The following LRP1B variants were observed in gnomAD, a reference collection of about 807,000 sequenced individuals.
The protein encoded by LRP1B is low-density lipoprotein receptor-related protein 1B.
A neutral mutation model predicts 556.6 loss-of-function variants in LRP1B; 217 were observed. The observed-to-expected ratio is 0.39, with a 90% CI of 0.35 to 0.44. The LOEUF (loss-of-function observed/expected upper bound fraction) is 0.44, where lower values mean the gene tolerates loss of function less well. Among genes scored for constraint, LRP1B ranks in the 20% least tolerant of loss-of-function variants. LRP1B has a pLI of 1.00. For synonymous variants in LRP1B, 2,047 were observed against 1,865.8 expected (o/e 1.10, Z -2.50); for missense variants, 5,053 against 5,620.8 (o/e 0.90, Z 3.23).
chr2:141,972,728 G>A (rs1701779013), intron 1 of LRP1B, among the ~76,000 whole-genome samples: 2 of 151,634 alleles, frequency 1.3e-5, no homozygotes, highest in African/African-American at 2.4e-5. Flanking sequence ...TTTTAAACAT[G>A]TTTTCAACAT....
chr2:142,001,058 T>C (rs1412640314), intron 1 of LRP1B, among the ~76,000 whole-genome samples: 5 of 152,170 alleles, frequency 3.3e-5, no homozygotes, highest in Non-Finnish European at 5.9e-5. Flanking sequence ...TTTCCCCTTT[T>C]GCTTGGCTCT....
intron 7 of LRP1B, among the ~76,000 whole-genome samples, chr2:141,169,053 A>G (rs558804233): frequency 2.7e-4 from 41 of 152,086 alleles, no homozygotes; most frequent in African/African-American, 9.1e-4. Context: ...TGGGAGGCCA[A>G]TGTGGGTGAA....
At chr2:140,335,299 TAATTC>T (rs1156588975) in intron 78 of LRP1B, among the ~76,000 whole-genome samples, 1 of 151,938 alleles carries the variant, frequency 6.6e-6, no homozygotes, top group East Asian at 1.9e-4. Context: ...AATATTTTAA[TAATTC>T]AATTTTAGAT....
Position 141,096,629 on chromosome 2 carries a change from G to GGA in LRP1B, c.1014-34358_1014-34357dup, listed in dbSNP as rs756327718. Among the ~76,000 whole-genome samples the GGA allele has an allele frequency of 8.6e-3, 515 of 59,610 alleles. 12 individuals are homozygous for GGA. The highest frequency in any genetic ancestry group is 0.02 in the African/African-American group (273 of 13,646). 39.1% of individuals were successfully genotyped at this position (59,610 alleles called of 152,430 possible). On this transcript the variant is annotated intron_variant, in intron 7 of 90. Coordinates refer to ENST00000389484, the MANE Select transcript of LRP1B (RefSeq NM_018557.3). Reference sequence around the variant, plus strand: ...CTGAATGACAAAGACGGGGAGAGGGGGAGAGAGAGAGAGAGAGAGAGAGAG... The same window carrying GGA: ...CTGAATGACAAAGACGGGGAGAGGGGGAGAGAGAGAGAGAGAGAGAGAGAGAG...
intron 66 of LRP1B, among the ~76,000 whole-genome samples, chr2:140,388,260 G>A (rs1297266365): frequency 6.6e-6 from 1 of 151,938 alleles, no homozygotes; most frequent in African/African-American, 2.4e-5. Context: ...TTTAAATCAT[G>A]TCTTAAAATG....
At chr2:141,987,742 T>A (rs1166533911) in intron 1 of LRP1B, among the ~76,000 whole-genome samples, 1 of 151,922 alleles carries the variant, frequency 6.6e-6, no homozygotes, top group African/African-American at 2.4e-5. Context: ...ATACTTTACA[T>A]TTTTTATTGT....
intron 2 of LRP1B, among the ~76,000 whole-genome samples, chr2:141,743,948 C>G (rs1693816129): frequency 3.4e-5 from 1 of 29,004 alleles, no homozygotes; most frequent in African/African-American, 8.2e-5. Context: ...TCCAATAAAC[C>G]AACTTTTTGT....
chr2:140,328,070 T>TCTATCTTTAAAATA (rs1191855009), intron 79 of LRP1B, among the ~76,000 whole-genome samples: 3 of 152,000 alleles, frequency 2.0e-5, no homozygotes, highest in African/African-American at 7.2e-5. Context: ...AAAGTTCATG[T>TCTATCTTTAAAATA]CTATCTTTAA....
At chr2:141,085,584 C>G (rs1021387626) in intron 7 of LRP1B, among the ~76,000 whole-genome samples, 1 of 152,118 alleles carries the variant, frequency 6.6e-6, no homozygotes, top group Non-Finnish European at 1.5e-5. Context: ...GAAACCAAAC[C>G]TGCTAACATC....
chr2:140,611,494 AG>A (rs1683070795), intron 41 of LRP1B, among the ~76,000 whole-genome samples: 1 of 152,134 alleles, frequency 6.6e-6, no homozygotes, highest in South Asian at 2.1e-4. Context: ...AAAAGGTAAA[AG>A]TTAATGAAGT....
In LRP1B at chr2:140,598,798, T is replaced by C; in HGVS notation, c.7027A>G (p.Ser2343Gly). 1 of 1,611,190 alleles carries C rather than the reference T, an allele frequency of 6.2e-7. No individual in the cohort carries two copies. Among genetic ancestry groups the C allele is most frequent in the African/African-American group, 1.3e-5 (1 of 74,898 alleles). The part of the protein sequence containing the change: ...FWTNWNEQHP[S>G]IMRSTLTGKN... ...CCAGTCAGAGTAGATCTCATGATAC[T>C]TGGATGTTGTTCATTCCAGTTGGTC... The change falls in exon 43 of 91, where the codon AGT (serine) becomes GGT (glycine). Residue 2343 changes from serine to glycine, a missense_variant. By Grantham distance (56) the Ser-to-Gly change is moderately conservative. This residue lies in a region of LRP1B where 3,619 missense variants were observed against 3,931.9 expected (regional missense o/e 0.92). Coordinates refer to ENST00000389484, the MANE Select transcript of LRP1B (RefSeq NM_018557.3).
chr2:141,629,344 G>T (rs1266208177), intron 2 of LRP1B, among the ~76,000 whole-genome samples: 1 of 152,048 alleles, frequency 6.6e-6, no homozygotes, highest in Non-Finnish European at 1.5e-5. Flanking sequence ...TTTAAACATT[G>T]CTTTTTAATA....
chr2:140,450,031 A>G lies in LRP1B; in HGVS notation c.10057+537T>C, dbSNP rs112700221. Among the ~76,000 whole-genome samples, 10 of 152,350 alleles carry G rather than the reference A, an allele frequency of 6.6e-5. 1 individual carries two copies. Among genetic ancestry groups the G allele is most frequent in the African/African-American group, 2.4e-4 (10 of 41,584 alleles). ...CAATTACAGTCAAATGTCAAGACAT[A>G]CTTGGTAATATCTTTAGAGCAATTG... On this transcript the variant is annotated intron_variant, in intron 63 of 90. Transcript: ENST00000389484.
chr2:141,471,289 T>TTG (rs2105068923), intron 3 of LRP1B, among the ~76,000 whole-genome samples: 1 of 151,390 alleles, frequency 6.6e-6, no homozygotes, highest in South Asian at 2.1e-4. Flanking sequence ...TTTTTTTTTT[T>TTG]TTTTTACTCT....
intron 7 of LRP1B, among the ~76,000 whole-genome samples, chr2:141,066,364 CTT>C (rs1454309448): frequency 6.6e-6 from 1 of 151,908 alleles, no homozygotes; most frequent in Non-Finnish European, 1.5e-5. Flanking sequence ...TAGTAAGAAA[CTT>C]CGAGTATTAT....
chr2:140,802,653 T>C (rs749032283), intron 32 of LRP1B, among the ~76,000 whole-genome samples: 2 of 152,204 alleles, frequency 1.3e-5, no homozygotes, highest in Non-Finnish European at 2.9e-5. Flanking sequence ...AAAGCAGCTA[T>C]TTCTTCAGAT....
chr2:140,512,842 ATAAAGT>A (rs1291240182), intron 51 of LRP1B, among the ~76,000 whole-genome samples: 1 of 152,168 alleles, frequency 6.6e-6, no homozygotes, highest in African/African-American at 2.4e-5. Flanking sequence ...CGAATTATTT[ATAAAGT>A]TATTTTCCTG....
chr2:141,692,966 C>G (rs1691601288), intron 2 of LRP1B, among the ~76,000 whole-genome samples: 1 of 151,986 alleles, frequency 6.6e-6, no homozygotes, highest in Middle Eastern at 3.4e-3. Flanking sequence ...GGCTCAGTGC[C>G]AAGGGAAAAT....
At chr2:140,994,846 T>C (rs919357563) in intron 15 of LRP1B, among the ~76,000 whole-genome samples, 4 of 152,060 alleles carry the variant, frequency 2.6e-5, no homozygotes, top group East Asian at 3.9e-4. Context: ...AATAACAAAA[T>C]GTTGTCTCAT....
Sources: allele counts gnomAD v4.1 joint callset (sites outside exome capture counted in the v4.1 genomes callset), GRCh38; gene constraint gnomAD v4.1.1; regional missense constraint gnomAD v4.1.1; transcripts MANE v1.5; gene names NCBI Gene and HGNC (gene_info 2026-07-23, HGNC 2026-07-21).